Variants in PDE4D observed in about 807,000 individuals in gnomAD.
The protein encoded by PDE4D is 3',5'-cyclic-AMP phosphodiesterase 4D.
PDE4D carries 24 observed loss-of-function variants against 87.4 expected under a neutral mutation model. The ratio of observed to expected loss-of-function variants is 0.27; its 90% CI spans 0.20 to 0.39. The LOEUF (loss-of-function observed/expected upper bound fraction) is 0.39, where lower values mean the gene tolerates loss of function less well. Ranked by LOEUF, PDE4D falls within the 10% of genes least tolerant of loss-of-function variation. PDE4D has a pLI of 1.00. For synonymous variants in PDE4D, 384 were observed against 383.2 expected (o/e 1.00, Z -0.02); for missense variants, 714 against 1,041.0 (o/e 0.69, Z 4.32).
chr5:59,278,639 T>C (rs1054524541), intron 1 of PDE4D, among the ~76,000 whole-genome samples: 2 of 152,122 alleles, frequency 1.3e-5, no homozygotes, highest in Non-Finnish European at 2.9e-5. Context: ...ATACCATGAT[T>C]TGATATTTTT....
intron 5 of PDE4D, among the ~76,000 whole-genome samples, chr5:59,060,664 T>C (rs1762995618): frequency 6.6e-6 from 1 of 152,144 alleles, no homozygotes; most frequent in Non-Finnish European, 1.5e-5. Context: ...CAGCTTAGTC[T>C]TAAGAAGAAG....
At chr5:59,197,128 T>C (rs2153489216) in intron 2 of PDE4D, among the ~76,000 whole-genome samples, 1 of 152,158 alleles carries the variant, frequency 6.6e-6, no homozygotes. Context: ...AATGAATCCA[T>C]GGAAATATGT....
At chr5:59,834,131 TTCTC>T (rs1272240531) in intron 1 of PDE4D, among the ~76,000 whole-genome samples, 1 of 152,068 alleles carries the variant, frequency 6.6e-6, no homozygotes, top group African/African-American at 2.4e-5. Context: ...CCTCTGCCAC[TTCTC>T]TCTGTCTAAG....
chr5:60,175,628 A>T (rs1481256516), intron 2 of PDE4D, among the ~76,000 whole-genome samples: 1 of 152,146 alleles, frequency 6.6e-6, no homozygotes, highest in Non-Finnish European at 1.5e-5. Context: ...TCTTCCCTTA[A>T]TGCTGGGCCC....
chr5:60,299,374 A>C (rs894403549), intron 1 of PDE4D, among the ~76,000 whole-genome samples: 1 of 152,216 alleles, frequency 6.6e-6, no homozygotes, highest in Non-Finnish European at 1.5e-5. Context: ...GAAAACTAAG[A>C]ACATATCCTT....
intron 1 of PDE4D, among the ~76,000 whole-genome samples, chr5:59,427,313 ACACACACACACACACACACACACACG>A (rs1435798150): frequency 1.3e-5 from 2 of 150,750 alleles, no homozygotes; most frequent in African/African-American, 4.9e-5. Context: ...ACACACACAC[ACACACACACACACACACACACACACG>A]CCCCTATGCC....
chr5:60,321,974 G>T (rs1756318950), intron 1 of PDE4D, among the ~76,000 whole-genome samples: 1 of 151,982 alleles, frequency 6.6e-6, no homozygotes, highest in Admixed American at 6.6e-5. Flanking sequence ...ATTTAGTTCA[G>T]CCATTGTGGA....
At chr5:59,784,506 C>T (rs1436511867) in intron 1 of PDE4D, among the ~76,000 whole-genome samples, 3 of 152,062 alleles carry the variant, frequency 2.0e-5, no homozygotes, top group Non-Finnish European at 4.4e-5. Context: ...TTGTATAAAC[C>T]AGGCATTACC....
At chr5:59,553,019 G>A (rs1818364516) in intron 1 of PDE4D, among the ~76,000 whole-genome samples, 1 of 152,064 alleles carries the variant, frequency 6.6e-6, no homozygotes, top group African/African-American at 2.4e-5. Flanking sequence ...GAAAGTCTCT[G>A]TGCCTGACAT....
At chr5:59,926,432 T>C (rs1253841120) in intron 3 of PDE4D, among the ~76,000 whole-genome samples, 1 of 151,780 alleles carries the variant, frequency 6.6e-6, no homozygotes, top group African/African-American at 2.4e-5. Context: ...AAAACCCTAA[T>C]GATGCACCTG....
intron 11 of PDE4D, among the ~76,000 whole-genome samples, chr5:58,980,642 G>A (rs2153317197): frequency 6.7e-6 from 1 of 150,010 alleles, no homozygotes; most frequent in East Asian, 2.0e-4. Flanking sequence ...ACTGAAGGCA[G>A]GAAGACCACT....
chr5:59,431,267 C>A (rs1191103208), intron 1 of PDE4D, among the ~76,000 whole-genome samples: 1 of 152,008 alleles, frequency 6.6e-6, no homozygotes, highest in Non-Finnish European at 1.5e-5. Context: ...TTAAATAATT[C>A]TACTGAAGGC....
intron 3 of PDE4D, among the ~76,000 whole-genome samples, chr5:59,898,765 T>G (rs894436561): frequency 2.0e-5 from 3 of 152,216 alleles, no homozygotes; most frequent in Non-Finnish European, 2.9e-5. Context: ...AAAGAATTAC[T>G]TCTTATTCAG....
intron 1 of PDE4D, among the ~76,000 whole-genome samples, chr5:59,876,382 C>G (rs1463876959): frequency 1.3e-5 from 2 of 152,170 alleles, no homozygotes; most frequent in Non-Finnish European, 2.9e-5. Flanking sequence ...CTAGCAAACT[C>G]TTCAGCTTTC....
At chr5:60,262,068 T>C (rs1191761029) in intron 1 of PDE4D, among the ~76,000 whole-genome samples, 1 of 152,062 alleles carries the variant, frequency 6.6e-6, no homozygotes, top group Admixed American at 6.6e-5. Flanking sequence ...ACAGGGGAGA[T>C]TATAAGCAAG....
intron 1 of PDE4D, among the ~76,000 whole-genome samples, chr5:59,489,356 T>A (rs1212894069): frequency 6.6e-6 from 1 of 152,106 alleles, no homozygotes; most frequent in Non-Finnish European, 1.5e-5. Context: ...TTGCTTGAGC[T>A]CTTTTGTTTC....
At chr5:59,563,783 T>C (rs1457594279) in intron 1 of PDE4D, among the ~76,000 whole-genome samples, 1 of 152,188 alleles carries the variant, frequency 6.6e-6, no homozygotes. Flanking sequence ...GGGAGAAAAC[T>C]GCAGAGCAGA....
chr5:59,077,475 CTTTT>C (rs33910828), intron 5 of PDE4D, among the ~76,000 whole-genome samples: 5 of 130,972 alleles, frequency 3.8e-5, no homozygotes, highest in Non-Finnish European at 6.4e-5. Context: ...TTTTTTTCTT[CTTTT>C]TTTTTTTTTT....
intron 1 of PDE4D, among the ~76,000 whole-genome samples, chr5:59,770,591 A>G: frequency 6.6e-6 from 1 of 152,252 alleles, no homozygotes; most frequent in Non-Finnish European, 1.5e-5. Flanking sequence ...TGTGCAAAAC[A>G]AAACAAAACA....
Sources: gnomAD v4.1 joint callset for allele counts (sites outside exome capture counted in the v4.1 genomes callset) on GRCh38, gnomAD v4.1.1 for gene constraint, MANE v1.5 for transcripts, NCBI Gene and HGNC (gene_info 2026-07-23, HGNC 2026-07-21) for gene names.